The following ARHGAP15 variants were observed in gnomAD, a reference collection of about 807,000 sequenced individuals.
ARHGAP15 encodes rho GTPase-activating protein 15.
Under a neutral mutation model 63.7 loss-of-function variants are expected in ARHGAP15, and 51 were observed. That is an observed-to-expected ratio of 0.80 (90% CI 0.64 to 1.01). The LOEUF (loss-of-function observed/expected upper bound fraction) is 1.01. ARHGAP15 is among the 50% of genes least tolerant of loss of function. ARHGAP15 has a pLI of 0.00. For synonymous variants in ARHGAP15, 191 were observed against 193.8 expected, an observed-to-expected ratio of 0.99 and a Z score of 0.12; for missense variants, 560 against 564.6, an observed-to-expected ratio of 0.99 and a Z score of 0.08.
chr2:143,711,900 A>C (rs544881043), intron 13 of ARHGAP15, among the ~76,000 whole-genome samples: 2 of 152,346 alleles, frequency 1.3e-5, no homozygotes, highest in East Asian at 3.9e-4. Context: ...AATGCACTCT[A>C]GGCAACAAAG....
At chr2:143,748,347 C>T (rs1686244857) in intron 13 of ARHGAP15, among the ~76,000 whole-genome samples, 1 of 152,116 alleles carries the variant, frequency 6.6e-6, no homozygotes, top group Admixed American at 6.6e-5. Context: ...CCACCTATGT[C>T]TTTGTTTTTG....
At chr2:143,249,556 A>G (rs1424985838) in intron 5 of ARHGAP15, among the ~76,000 whole-genome samples, 1 of 152,190 alleles carries the variant, frequency 6.6e-6, no homozygotes, top group South Asian at 2.1e-4. Flanking sequence ...TGAGAAAAGT[A>G]TGGAATCTAC....
At chr2:143,520,830 G>T (rs1232948167) in intron 10 of ARHGAP15, among the ~76,000 whole-genome samples, 2 of 152,032 alleles carry the variant, frequency 1.3e-5, no homozygotes, top group African/African-American at 4.8e-5. Flanking sequence ...ACCCAAATAG[G>T]GCGTTGGGGA....
intron 6 of ARHGAP15, among the ~76,000 whole-genome samples, chr2:143,434,784 A>G (rs1475403765): frequency 6.6e-6 from 1 of 152,052 alleles, no homozygotes; most frequent in Non-Finnish European, 1.5e-5. Flanking sequence ...ACTCTAATCA[A>G]TTTTTTCTCT....
At chr2:143,664,201 G>A (rs1397865991) in intron 12 of ARHGAP15, among the ~76,000 whole-genome samples, 2 of 152,140 alleles carry the variant, frequency 1.3e-5, no homozygotes, top group African/African-American at 2.4e-5. Context: ...AAAGAACAGA[G>A]ATTACAACAA....
chr2:143,230,434 G>T (rs943462585), intron 5 of ARHGAP15, among the ~76,000 whole-genome samples: 5 of 152,094 alleles, frequency 3.3e-5, no homozygotes, highest in Non-Finnish European at 7.4e-5. Flanking sequence ...CATGCCTCTC[G>T]TTCAACCTTC....
intron 12 of ARHGAP15, among the ~76,000 whole-genome samples, chr2:143,648,372 T>G (rs1574768922): frequency 6.6e-6 from 1 of 152,102 alleles, no homozygotes; most frequent in Non-Finnish European, 1.5e-5. Flanking sequence ...CAGATCTAAG[T>G]GCTAGTAGCC....
At chr2:143,703,985 T>C (rs1242779802) in intron 13 of ARHGAP15, 2 of 126,172 alleles carry the variant, frequency 1.6e-5, no homozygotes, top group Non-Finnish European at 3.3e-5. Context: ...TCCATGTAAA[T>C]AGCTAAGAGA....
intron 6 of ARHGAP15, among the ~76,000 whole-genome samples, chr2:143,346,220 T>TCACA (rs1553467292): frequency 6.4e-5 from 8 of 125,008 alleles, no homozygotes; most frequent in African/African-American, 1.1e-4. Context: ...ACACTCTCTC[T>TCACA]CACACACACT....
At chr2:143,725,869 C>T (rs538727374) in intron 13 of ARHGAP15, among the ~76,000 whole-genome samples, 14 of 152,218 alleles carry the variant, frequency 9.2e-5, no homozygotes, top group Admixed American at 4.6e-4. Context: ...TGATTTTTCC[C>T]CCTATAAAAA....
At chr2:143,713,756 TG>T (rs1310356480) in intron 13 of ARHGAP15, among the ~76,000 whole-genome samples, 1 of 152,142 alleles carries the variant, frequency 6.6e-6, no homozygotes, top group East Asian at 1.9e-4. Flanking sequence ...CAAAATCCAG[TG>T]GGGCAGTCAA....
chr2:143,301,367 T>C lies in ARHGAP15; in HGVS notation c.474+50767T>C, dbSNP rs573091634. On this transcript the variant is annotated intron_variant, in intron 6 of 13. Coordinates refer to ENST00000295095, the MANE Select transcript of ARHGAP15 (RefSeq NM_018460.4). ...TTGTCATATTCACCCATTTAGAATT[T>C]AGCCAAAAAATATTCAGCTTTGTCA... Among the ~76,000 whole-genome samples, 4 of 152,092 alleles carry C rather than the reference T, an allele frequency of 2.6e-5. No homozygotes were observed. In the East Asian group the frequency reaches 7.8e-4, roughly 30 times the overall value.
At chr2:143,568,101 T>C (rs1696305937) in intron 11 of ARHGAP15, among the ~76,000 whole-genome samples, 1 of 152,100 alleles carries the variant, frequency 6.6e-6, no homozygotes, top group Non-Finnish European at 1.5e-5. Flanking sequence ...ATTCAGGACA[T>C]AGGCATGGGC....
At chr2:143,564,272 C>G (rs1482778612) in intron 11 of ARHGAP15, 1 of 152,174 alleles carries the variant, frequency 6.6e-6, no homozygotes, top group Non-Finnish European at 1.5e-5. Flanking sequence ...CCTTTGCTAC[C>G]TACTGTTGGT....
intron 9 of ARHGAP15, among the ~76,000 whole-genome samples, chr2:143,489,128 T>C (rs1692460082): frequency 6.6e-6 from 1 of 152,226 alleles, no homozygotes; most frequent in African/African-American, 2.4e-5. Context: ...TCCGAGTTTT[T>C]CACGACTGGG....
chr2:143,197,876 T>C (rs1344517627), intron 2 of ARHGAP15, among the ~76,000 whole-genome samples: 1 of 152,046 alleles, frequency 6.6e-6, no homozygotes, highest in Non-Finnish European at 1.5e-5. Flanking sequence ...TACAAATTCA[T>C]AAGTCTGACT....
chr2:143,434,084 A>T (rs950582911), intron 6 of ARHGAP15, among the ~76,000 whole-genome samples: 1 of 152,136 alleles, frequency 6.6e-6, no homozygotes, highest in Non-Finnish European at 1.5e-5. Context: ...CTGGATACAT[A>T]AAATAGGAGG....
intron 10 of ARHGAP15, among the ~76,000 whole-genome samples, chr2:143,544,353 G>T (rs997039252): frequency 1.3e-5 from 2 of 152,042 alleles, no homozygotes; most frequent in Non-Finnish European, 2.9e-5. Context: ...TTTTCAAGTG[G>T]ATCTGTGGGG....
chr2:143,622,935 T>G (rs555308422), intron 11 of ARHGAP15, among the ~76,000 whole-genome samples: 1 of 152,276 alleles, frequency 6.6e-6, no homozygotes, highest in Admixed American at 6.5e-5. Context: ...AATGCTCCTC[T>G]GGATTCATAA....
Sources: allele counts gnomAD v4.1 joint callset (sites outside exome capture counted in the v4.1 genomes callset), GRCh38; gene constraint gnomAD v4.1.1; transcripts MANE v1.5; gene names NCBI Gene and HGNC (gene_info 2026-07-23, HGNC 2026-07-21).